Variants in PHLPP1 observed in about 807,000 individuals in gnomAD.
PHLPP1 encodes PH domain leucine-rich repeat-containing protein phosphatase 1.
Under a neutral mutation model 117.2 loss-of-function variants are expected in PHLPP1, and 42 were observed. The ratio of observed to expected loss-of-function variants is 0.36; its 90% confidence interval spans 0.28 to 0.46. The LOEUF (loss-of-function observed/expected upper bound fraction) is 0.46. Among genes scored for constraint, PHLPP1 ranks in the 20% least tolerant of loss-of-function variants. The pLI, the probability that PHLPP1 is intolerant of heterozygous loss-of-function variation, is 1.00. For missense variants in PHLPP1, 2,084 were observed against 2,241.9 expected (o/e 0.93, Z 1.42); for synonymous variants, 1,042 against 970.7 (o/e 1.07, Z -1.37).
At chr18:62,765,394 A>G (rs970676800) in intron 1 of PHLPP1, among the ~76,000 whole-genome samples, 1 of 152,256 alleles carries the variant, frequency 6.6e-6, no homozygotes, top group Non-Finnish European at 1.5e-5. Flanking sequence ...AATAGGAGGT[A>G]TGCAAATAAG....
chr18:62,950,442 G>C (rs944515081), intron 12 of PHLPP1, among the ~76,000 whole-genome samples: 5 of 152,158 alleles, frequency 3.3e-5, no homozygotes. Context: ...GCCAGACTTC[G>C]CTTGGCTGGA....
chr18:62,818,281 A>G lies in PHLPP1; in HGVS notation c.1577-11754A>G, dbSNP rs112177997. ...CGCAGTGGCTCACGCCTGTAATCTC[A>G]GCACTTTGGGAAGCCAAGGCAGGTG... On this transcript the variant is annotated intron_variant, in intron 1 of 16. Transcript: ENST00000262719. Among the ~76,000 whole-genome samples the G allele has an allele frequency of 4.9e-3, 746 of 152,286 alleles. 10 individuals carry two copies. The highest frequency in any genetic ancestry group is 0.017 in the African/African-American group (715 of 41,568).
At chr18:62,900,433 C>CT (rs774225759) in intron 6 of PHLPP1, among the ~76,000 whole-genome samples, 763 of 54,252 alleles carry the variant, frequency 0.014, 207 homozygotes, top group African/African-American at 0.033. Flanking sequence ...CTTTTTCTTT[C>CT]TTTTTTTTTT....
rs1414698183 is a variant in PHLPP1 at position 62,838,897 on chromosome 18, A to T, written c.1887A>T (p.Arg629=). The T allele has an allele frequency of 6.2e-7, 1 of 1,613,904 alleles. No homozygotes were observed. Among genetic ancestry groups the T allele is most frequent in the Admixed American group, 1.7e-5 (1 of 60,024 alleles). ...TCACAGAATACTTAAGGTGGCTGCG[A>T]CAAGTCTCCAAGGTAAGCAAGCACT... ...DTFTEYLRWL[R]QVSKVASQRI... is the part of the protein sequence containing the mutation. The change falls in exon 3 of 17, where the codon CGA becomes CGT. Residue 629 remains arginine (R), a synonymous_variant. Transcript: ENST00000262719.
In PHLPP1 at chr18:62,978,758, C is replaced by T; in HGVS notation, c.4481C>T (p.Ala1494Val). Reference sequence around the variant, plus strand: ...ATGAGCAGCGAGGTGGGGTCAACAGCCTCCGATGAGCCCCCGCCCGGAGCC... The same window carrying T: ...ATGAGCAGCGAGGTGGGGTCAACAGTCTCCGATGAGCCCCCGCCCGGAGCC... ...SEMSSEVGST[A>V]SDEPPPGALS... Residue 1494 changes from alanine to valine, a missense_variant, in exon 17 of 17, where the codon GCC becomes GTC. This residue lies in a region of PHLPP1 where 1,365 missense variants were observed against 1,605.9 expected (regional missense o/e 0.85). Coordinates refer to ENST00000262719, the MANE Select transcript of PHLPP1 (RefSeq NM_194449.4). This position sits in a 1 kb window ranked among gnomAD's most constrained non-coding sequence, Gnocchi z 7.0. The T allele has an allele frequency of 6.2e-7, 1 of 1,613,282 alleles. No homozygotes were observed. Among genetic ancestry groups the T allele is most frequent in the Non-Finnish European group, 8.5e-7 (1 of 1,179,754 alleles).
intron 8 of PHLPP1, among the ~76,000 whole-genome samples, chr18:62,912,959 C>CT (rs994660407): frequency 5.3e-5 from 8 of 152,148 alleles, no homozygotes; most frequent in African/African-American, 1.9e-4. Context: ...AGTTAAACTA[C>CT]TTTTTAAAAA....
chr18:62,822,003 GA>G (rs1914472557), intron 1 of PHLPP1, among the ~76,000 whole-genome samples: 1 of 152,160 alleles, frequency 6.6e-6, no homozygotes, highest in Non-Finnish European at 1.5e-5. Context: ...GGCTGAGGCA[GA>G]AAGATCACCT....
intron 4 of PHLPP1, among the ~76,000 whole-genome samples, chr18:62,868,033 A>G (rs1408413494): frequency 6.6e-6 from 1 of 151,954 alleles, no homozygotes; most frequent in African/African-American, 2.4e-5. Context: ...GATGGTCTCG[A>G]TCTTCTGACC....
chr18:62,940,673 T>C (rs1385594491), intron 10 of PHLPP1, among the ~76,000 whole-genome samples: 7 of 152,168 alleles, frequency 4.6e-5, no homozygotes, highest in Non-Finnish European at 8.8e-5. Flanking sequence ...CTTTATCCTC[T>C]TTTCACTCTA....
At chr18:62,931,517 CA>C (rs894603143) in intron 10 of PHLPP1, among the ~76,000 whole-genome samples, 399 of 101,524 alleles carry the variant, frequency 3.9e-3, no homozygotes, top group African/African-American at 5.4e-3. Flanking sequence ...AAATTGAGAC[CA>C]AAAAAAAAAA....
In PHLPP1 at chr18:62,838,854, A is replaced by G; in HGVS notation, c.1844A>G (p.Tyr615Cys). Residue 615 changes from tyrosine to cysteine, a missense_variant, in exon 3 of 17, where the codon TAC becomes TGC. This residue lies in a region of PHLPP1 where 1,365 missense variants were observed against 1,605.9 expected (regional missense o/e 0.85). Coordinates refer to ENST00000262719, the MANE Select transcript of PHLPP1 (RefSeq NM_194449.4). ...TCTGGACCCCAAAGCCAGACTTACT[A>G]CATTTGCTTTGATACTTTCACAGAA... Reference protein sequence around the residue: ...SSSGPQSQTYYICFDTFTEYL... With the variant: ...SSSGPQSQTYCICFDTFTEYL... 3 of 1,613,848 alleles carry G rather than the reference A, an allele frequency of 1.9e-6. No homozygotes were observed. Among genetic ancestry groups the G allele is most frequent in the Non-Finnish European group, 2.5e-6 (3 of 1,179,752 alleles).
chr18:62,844,653 G>T (rs1309882702), intron 3 of PHLPP1, among the ~76,000 whole-genome samples: 1 of 152,120 alleles, frequency 6.6e-6, no homozygotes, highest in African/African-American at 2.4e-5. Context: ...AGAAGATGAG[G>T]ACTCTTCTTA....
Position 62,895,996 on chromosome 18 carries a change from A to T in PHLPP1, c.2429A>T (p.Lys810Ile), listed in dbSNP as rs773570361. 52 of 1,606,194 alleles carry T rather than the reference A, an allele frequency of 3.2e-5. No homozygotes were observed. The highest frequency in any genetic ancestry group is 3.6e-5 in the Non-Finnish European group (42 of 1,173,022). ...LQALRKMPHI[K>I]HVDLRLNVIR... ...GCTTTAAGAAAAATGCCTCACATTAAACATGTGGATCTAAGGTAACCATTT... is the reference window on the plus strand; with the variant it reads ...GCTTTAAGAAAAATGCCTCACATTATACATGTGGATCTAAGGTAACCATTT... The change falls in exon 6 of 17, where the codon AAA becomes ATA. Residue 810 changes from lysine to isoleucine, a missense_variant. Lys to Ile is a moderately radical substitution (Grantham distance 102, BLOSUM62 -3). This residue lies in a region of PHLPP1 where 1,365 missense variants were observed against 1,605.9 expected (regional missense o/e 0.85). Transcript: ENST00000262719.
chr18:62,949,027 C>CGG (rs1568171485), intron 12 of PHLPP1, among the ~76,000 whole-genome samples: 1 of 152,008 alleles, frequency 6.6e-6, no homozygotes, highest in Admixed American at 6.5e-5. Flanking sequence ...TTCATTTCTA[C>CGG]GGTGATATAT....
At chr18:62,916,605 G>GGGGGGTGTGTGTGT (rs1555681660) in intron 9 of PHLPP1, among the ~76,000 whole-genome samples, 2 of 145,768 alleles carry the variant, frequency 1.4e-5, no homozygotes, top group Non-Finnish European at 3.0e-5. Flanking sequence ...CAAGAGGGTG[G>GGGGGGTGTGTGTGT]GTGTGTGTGT....
At chr18:62,791,438 A>G (rs1450850073) in intron 1 of PHLPP1, among the ~76,000 whole-genome samples, 2 of 152,156 alleles carry the variant, frequency 1.3e-5, no homozygotes, top group Non-Finnish European at 2.9e-5. Context: ...ATTGCCATCA[A>G]CCCCAAATGA....
At chr18:62,830,310 A>T (rs946355033) in intron 2 of PHLPP1, 79 bp downstream of exon 2, 1 of 1,148,820 alleles carries the variant, frequency 8.7e-7, no homozygotes, top group Non-Finnish European at 1.2e-6. Context: ...GCGTGGTCTC[A>T]ACTCACTGCA....
At chr18:62,855,204 GA>G (rs1599084843) in intron 3 of PHLPP1, among the ~76,000 whole-genome samples, 2 of 152,322 alleles carry the variant, frequency 1.3e-5, no homozygotes, top group East Asian at 3.9e-4. Context: ...CTTGGAAAAG[GA>G]AAACGCTAGA....
chr18:62,719,612 G>A (rs1455171239), intron 1 of PHLPP1, among the ~76,000 whole-genome samples: 1 of 152,130 alleles, frequency 6.6e-6, no homozygotes, highest in Non-Finnish European at 1.5e-5. Flanking sequence ...GATAATTAAT[G>A]TTTGTTTTAG....
Sources: allele counts gnomAD v4.1 joint callset (sites outside exome capture counted in the v4.1 genomes callset), GRCh38; gene constraint gnomAD v4.1.1; regional missense constraint gnomAD v4.1.1; non-coding constraint Gnocchi (gnomAD v3.1); transcripts MANE v1.5; gene names NCBI Gene and HGNC (gene_info 2026-07-23, HGNC 2026-07-21).